The following FRMD6 variants were observed in gnomAD, a reference collection of about 807,000 sequenced individuals.
FRMD6 encodes FERM domain-containing protein 6.
A neutral mutation model predicts 73.2 loss-of-function variants in FRMD6; 37 were observed. The ratio of observed to expected loss-of-function variants is 0.51; its 90% confidence interval spans 0.39 to 0.66. The LOEUF (loss-of-function observed/expected upper bound fraction) is 0.66, where lower values mean the gene tolerates loss of function less well. Among genes scored for constraint, FRMD6 ranks in the 30% least tolerant of loss-of-function variants. The probability of loss-of-function intolerance (pLI) is 0.00; values close to 1 mark genes in which losing one functional copy is unlikely to be tolerated. For synonymous variants in FRMD6, 273 were observed against 282.2 expected, an observed-to-expected ratio of 0.97 and a Z score of 0.33; for missense variants, 714 against 780.5, an observed-to-expected ratio of 0.91 and a Z score of 1.02.
At chr14:51,429,523 G>A in the FRMD6 span, among the ~76,000 whole-genome samples, 2 of 152,084 alleles carry the variant, frequency 1.3e-5, no homozygotes, top group African/African-American at 4.8e-5. Flanking sequence ...ACTTTGTCGA[G>A]CACAGGTATG....
intron 12 of FRMD6, 107 bp downstream of exon 12, chr14:51,722,187 A>G (rs1408341232): frequency 2.8e-6 from 3 of 1,090,690 alleles, no homozygotes; most frequent in East Asian, 4.8e-5. Context: ...TAGACCAGAG[A>G]CTGGACTGCA....
At chr14:51,693,346 CT>C (rs1895732550) in intron 2 of FRMD6, among the ~76,000 whole-genome samples, 1 of 152,102 alleles carries the variant, frequency 6.6e-6, no homozygotes, top group South Asian at 2.1e-4. Flanking sequence ...CAACTCTTCT[CT>C]TTTACAGTGT....
the FRMD6 span, among the ~76,000 whole-genome samples, chr14:51,434,626 T>G: frequency 6.6e-6 from 1 of 152,134 alleles, no homozygotes; most frequent in Non-Finnish European, 1.5e-5. Context: ...AGGAAATTAT[T>G]TAAATAAAAA....
chr14:51,642,196 TGAGA>T (rs1050607442), intron 2 of FRMD6, among the ~76,000 whole-genome samples: 1 of 151,642 alleles, frequency 6.6e-6, no homozygotes, highest in East Asian at 1.9e-4. Flanking sequence ...GGGAACATAG[TGAGA>T]GAGAGAGAGG....
At chr14:51,571,268 A>ACTTGGGATG (rs992643788) in intron 2 of FRMD6, among the ~76,000 whole-genome samples, 115 of 152,326 alleles carry the variant, frequency 7.5e-4, no homozygotes, top group African/African-American at 2.7e-3. Context: ...AGTCCCAGCT[A>ACTTGGGATG]CTTGGGATGC....
At position 51,720,304 on chromosome 14, in the gene FRMD6, G is replaced by T. The variant is rs1471270226; in HGVS notation, c.1274G>T (p.Ser425Ile). ...ATCCACCGCAAGCTGAAAACCTGCA[G>T]CTCAATGACCAGTCATGGCAGCTCC... ...SAIHRKLKTC[S>I]SMTSHGSSHT... Residue 425 changes from serine to isoleucine, a missense_variant, in exon 11 of 14, where the codon AGC becomes ATC. Physicochemically the swap from Ser to Ile is moderately radical, Grantham distance 142. Transcript: ENST00000344768. 6.2e-7 allele frequency: 1 copy of T among 1,614,024 alleles called. No individual in the cohort carries two copies. The highest frequency in any genetic ancestry group is 8.5e-7 in the Non-Finnish European group (1 of 1,180,032).
At chr14:51,459,858 A>ACAG in the FRMD6 span, among the ~76,000 whole-genome samples, 1 of 124,796 alleles carries the variant, frequency 8.0e-6, no homozygotes, top group African/African-American at 3.1e-5. Context: ...GCTGACGCAT[A>ACAG]CAGCTGACTT....
the FRMD6 span, among the ~76,000 whole-genome samples, chr14:51,407,131 A>G: frequency 6.6e-6 from 1 of 152,124 alleles, no homozygotes; most frequent in Non-Finnish European, 1.5e-5. Flanking sequence ...GAAAATGTAT[A>G]ATATAATTTA....
At chr14:51,542,183 C>T (rs1566803042) in intron 1 of FRMD6, among the ~76,000 whole-genome samples, 1 of 152,164 alleles carries the variant, frequency 6.6e-6, no homozygotes, top group East Asian at 1.9e-4. Flanking sequence ...ATAAATTCAA[C>T]AATAGTATAT....
chr14:51,447,811 C>T, the FRMD6 span, among the ~76,000 whole-genome samples: 1 of 152,322 alleles, frequency 6.6e-6, no homozygotes, highest in East Asian at 1.9e-4. Flanking sequence ...ACCATCCATG[C>T]ACGATTAATG....
chr14:51,482,232 G>T, the FRMD6 span, among the ~76,000 whole-genome samples: 1 of 152,186 alleles, frequency 6.6e-6, no homozygotes, highest in Non-Finnish European at 1.5e-5. Context: ...ACAGCTATTT[G>T]CTGACCATCT....
chr14:51,705,306 T>C (rs1215811173), intron 6 of FRMD6, among the ~76,000 whole-genome samples: 3 of 152,098 alleles, frequency 2.0e-5, no homozygotes, highest in Non-Finnish European at 4.4e-5. Flanking sequence ...CGCTTTCCTT[T>C]GCTGCGAGAA....
the FRMD6 span, among the ~76,000 whole-genome samples, chr14:51,474,750 C>G: frequency 6.6e-6 from 1 of 152,264 alleles, no homozygotes; most frequent in East Asian, 1.9e-4. Flanking sequence ...CAATGGGGAA[C>G]CACAGAAGGC....
chr14:51,534,764 C>T (rs1310487239), intron 1 of FRMD6, among the ~76,000 whole-genome samples: 1 of 152,204 alleles, frequency 6.6e-6, no homozygotes, highest in Non-Finnish European at 1.5e-5. Context: ...AAGGCCTGCA[C>T]TTCAGCTGTG....
chr14:51,659,090 TATA>T (rs755477287), intron 1 of FRMD6, among the ~76,000 whole-genome samples: 28 of 152,090 alleles, frequency 1.8e-4, no homozygotes, highest in Admixed American at 9.2e-4. Context: ...GATAGTAAAA[TATA>T]ATGATAGGAA....
chr14:51,559,152 T>C (rs1033613933), intron 1 of FRMD6, among the ~76,000 whole-genome samples: 5 of 152,248 alleles, frequency 3.3e-5, no homozygotes, highest in African/African-American at 7.2e-5. Context: ...CCCCGGCAAA[T>C]AGGCCTTCAT....
chr14:51,510,116 C>G (rs1429337764), intron 1 of FRMD6, among the ~76,000 whole-genome samples: 2 of 152,158 alleles, frequency 1.3e-5, no homozygotes, highest in East Asian at 3.8e-4. Context: ...CATCTTGTTG[C>G]CATGGAGGGA....
chr14:51,502,128 T>A (rs1329329820), intron 1 of FRMD6, among the ~76,000 whole-genome samples: 1 of 152,002 alleles, frequency 6.6e-6, no homozygotes, highest in Non-Finnish European at 1.5e-5. Context: ...ACCTTCAAAA[T>A]TTTTTCCCAT....
At chr14:51,719,315 C>T (rs984267393) in intron 10 of FRMD6, among the ~76,000 whole-genome samples, 2 of 152,142 alleles carry the variant, frequency 1.3e-5, no homozygotes, top group Admixed American at 6.5e-5. Context: ...ACAGCTTTAC[C>T]AGTCAGAGTT....
Sources: allele counts gnomAD v4.1 joint callset (sites outside exome capture counted in the v4.1 genomes callset), GRCh38; gene constraint gnomAD v4.1.1; transcripts MANE v1.5; gene names NCBI Gene and HGNC (gene_info 2026-07-23, HGNC 2026-07-21).